Variants in ACVR2A observed in about 807,000 individuals in gnomAD.
ACVR2A encodes the protein activin receptor type-2A.
Under a neutral mutation model 61.4 loss-of-function variants are expected in ACVR2A, and 7 were observed. The ratio of observed to expected loss-of-function variants is 0.11; its 90% confidence interval spans 0.06 to 0.21. The LOEUF (loss-of-function observed/expected upper bound fraction) is 0.21, where lower values mean the gene tolerates loss of function less well. ACVR2A is among the 10% of genes least tolerant of loss of function. The pLI, the probability that ACVR2A is intolerant of heterozygous loss-of-function variation, is 1.00. For synonymous variants in ACVR2A, 193 were observed against 208.3 expected (o/e 0.93, Z 0.63); for missense variants, 322 against 621.7 (o/e 0.52, Z 5.13).
chr2:147,891,065 TG>T (rs1174421460), intron 1 of ACVR2A, among the ~76,000 whole-genome samples: 3 of 152,142 alleles, frequency 2.0e-5, no homozygotes, highest in African/African-American at 7.2e-5. Flanking sequence ...TAGACTAGGA[TG>T]GCAAATACAA....
chr2:147,854,826 C>T (rs541876547), intron 1 of ACVR2A, among the ~76,000 whole-genome samples: 9 of 152,148 alleles, frequency 5.9e-5, no homozygotes, highest in African/African-American at 1.7e-4. Context: ...AACAGGGTGC[C>T]GAGAGGATTA....
intron 1 of ACVR2A, among the ~76,000 whole-genome samples, chr2:147,852,327 T>C (rs1252409365): frequency 6.6e-6 from 1 of 152,102 alleles, no homozygotes; most frequent in East Asian, 1.9e-4. Flanking sequence ...TGTATTTTTA[T>C]ATTACATTTC....
chr2:147,892,543 TAAAG>T (rs1342806555), intron 1 of ACVR2A, among the ~76,000 whole-genome samples: 2 of 147,502 alleles, frequency 1.4e-5, no homozygotes, highest in Non-Finnish European at 3.0e-5. Flanking sequence ...TATCAAAAAT[TAAAG>T]AAAATGTTTA....
At chr2:147,892,636 A>T (rs1686615915) in intron 1 of ACVR2A, among the ~76,000 whole-genome samples, 1 of 151,834 alleles carries the variant, frequency 6.6e-6, no homozygotes, top group African/African-American at 2.4e-5. Context: ...AATATTTTCC[A>T]AAACAAAAAA....
chr2:147,891,349 A>C (rs1686577728), intron 1 of ACVR2A, among the ~76,000 whole-genome samples: 1 of 152,210 alleles, frequency 6.6e-6, no homozygotes, highest in South Asian at 2.1e-4. Flanking sequence ...TGAATTAAAT[A>C]GGTGATAATT....
At chr2:147,895,259 A>T (rs1686700015) in intron 1 of ACVR2A, among the ~76,000 whole-genome samples, 1 of 148,488 alleles carries the variant, frequency 6.7e-6, no homozygotes, top group Non-Finnish European at 1.5e-5. Flanking sequence ...GCATAAAATT[A>T]ACTATAGTAC....
intron 8 of ACVR2A, among the ~76,000 whole-genome samples, chr2:147,921,513 G>A (rs1194983359): frequency 5.3e-5 from 8 of 152,076 alleles, no homozygotes; most frequent in African/African-American, 9.7e-5. Flanking sequence ...CTGAGGACAC[G>A]TTTTTAATGT....
intron 1 of ACVR2A, among the ~76,000 whole-genome samples, chr2:147,872,615 T>G (rs565602786): frequency 4.6e-4 from 69 of 150,870 alleles, no homozygotes; most frequent in African/African-American, 1.7e-3. Context: ...TGAGTCATTT[T>G]GTTGAGCAGG....
intron 1 of ACVR2A, among the ~76,000 whole-genome samples, chr2:147,884,377 T>G (rs1686380644): frequency 6.6e-6 from 1 of 152,140 alleles, no homozygotes. Context: ...ATTTTAATCT[T>G]AAAACCCGGG....
intron 4 of ACVR2A, among the ~76,000 whole-genome samples, chr2:147,902,585 A>G (rs1277942560): frequency 6.6e-6 from 1 of 152,026 alleles, no homozygotes; most frequent in Non-Finnish European, 1.5e-5. Flanking sequence ...ATAGAAGGGC[A>G]TATTCATGTG....
At chr2:147,909,815 A>AT in intron 4 of ACVR2A, among the ~76,000 whole-genome samples, 2 of 151,840 alleles carry the variant, frequency 1.3e-5, no homozygotes, top group African/African-American at 4.8e-5. Flanking sequence ...TTTTTAAAAA[A>AT]TTTTTTTGTA....
chr2:147,909,943 TA>T (rs141208191), intron 4 of ACVR2A, among the ~76,000 whole-genome samples: 2,524 of 152,268 alleles, frequency 0.017, 73 homozygotes, highest in African/African-American at 0.058. Flanking sequence ...ACCTGGCCTT[TA>T]AAAAAATTTT....
intron 4 of ACVR2A, among the ~76,000 whole-genome samples, chr2:147,912,519 A>G (rs1687143790): frequency 6.6e-6 from 1 of 151,914 alleles, no homozygotes; most frequent in Admixed American, 6.6e-5. Flanking sequence ...ATTTATGTCT[A>G]CATTTGTCTT....
intron 1 of ACVR2A, among the ~76,000 whole-genome samples, chr2:147,872,320 G>A (rs1010505068): frequency 1.3e-5 from 2 of 151,918 alleles, no homozygotes; most frequent in African/African-American, 4.8e-5. Context: ...CATTCAATGT[G>A]TTGTGTAATT....
intron 1 of ACVR2A, among the ~76,000 whole-genome samples, chr2:147,853,210 A>G (rs1010017846): frequency 6.6e-6 from 1 of 152,120 alleles, no homozygotes; most frequent in Admixed American, 6.6e-5. Context: ...AAATAAAGAC[A>G]TGTATTTGGA....
At chr2:147,910,010 T>C (rs552148811) in intron 4 of ACVR2A, among the ~76,000 whole-genome samples, 8 of 152,218 alleles carry the variant, frequency 5.3e-5, no homozygotes, top group Non-Finnish European at 1.2e-4. Flanking sequence ...GTTGCTGGTG[T>C]CTCTTGTTTG....
chr2:147,844,518 G>C (rs1685245597), upstream of ACVR2A: 1 of 148,552 alleles, frequency 6.7e-6, no homozygotes, highest in Non-Finnish European at 1.5e-5. Flanking sequence ...GCGGAGGCCA[G>C]GAGACCGAAA....
chr2:147,854,001 G>C (rs774091586), intron 1 of ACVR2A, among the ~76,000 whole-genome samples: 1 of 152,130 alleles, frequency 6.6e-6, no homozygotes, highest in Non-Finnish European at 1.5e-5. Flanking sequence ...AGCTGGTCCA[G>C]AGTAGATCTT....
intron 9 of ACVR2A, among the ~76,000 whole-genome samples, chr2:147,924,459 A>G (rs553721461): frequency 6.6e-6 from 1 of 152,146 alleles, no homozygotes; most frequent in South Asian, 2.1e-4. Flanking sequence ...ATACTTAAGA[A>G]ATACAAGCAT....
Sources: allele counts gnomAD v4.1 joint callset (sites outside exome capture counted in the v4.1 genomes callset), GRCh38; gene constraint gnomAD v4.1.1; transcripts MANE v1.5; gene names NCBI Gene and HGNC (gene_info 2026-07-23, HGNC 2026-07-21).